Variants in BCAS4 observed in about 807,000 individuals in gnomAD.
BCAS4 encodes breast carcinoma amplified sequence 4.
A neutral mutation model predicts 15.7 loss-of-function variants in BCAS4; 9 were observed. That is an observed-to-expected ratio of 0.57 (90% CI 0.34 to 1.00). The LOEUF is 1.00. Among genes scored for constraint, BCAS4 ranks in the 50% least tolerant of loss-of-function variants. The pLI, the probability that BCAS4 is intolerant of heterozygous loss-of-function variation, is 0.02. For synonymous variants in BCAS4, 101 were observed against 99.5 expected, an observed-to-expected ratio of 1.02 and a Z score of -0.09; for missense variants, 225 against 239.1, an observed-to-expected ratio of 0.94 and a Z score of 0.39.
At chr20:50,814,266 G>C (rs764462926) in intron 1 of BCAS4, among the ~76,000 whole-genome samples, 18 of 152,276 alleles carry the variant, frequency 1.2e-4, no homozygotes, top group Non-Finnish European at 2.5e-4. Context: ...AGCAACAAAG[G>C]GGACACATTT....
At chr20:50,870,003 C>T (rs772055262) in intron 4 of BCAS4, among the ~76,000 whole-genome samples, 5 of 152,164 alleles carry the variant, frequency 3.3e-5, no homozygotes, top group Non-Finnish European at 5.9e-5. Flanking sequence ...CCTGCCTCAG[C>T]TTCCCGAAGT....
intron 2 of BCAS4, among the ~76,000 whole-genome samples, chr20:50,829,246 T>C (rs185855451): frequency 2.0e-5 from 3 of 151,742 alleles, no homozygotes; most frequent in Admixed American, 6.6e-5. Flanking sequence ...CAGAATTTTA[T>C]TTTTTTTCTT....
At chr20:50,843,533 T>TACCTGCCTGAGGCATGTGCTGTTC (rs371043405) in intron 4 of BCAS4, among the ~76,000 whole-genome samples, 20 of 152,312 alleles carry the variant, frequency 1.3e-4, no homozygotes, top group Non-Finnish European at 2.2e-4. Context: ...GGCCTCATTG[T>TACCTGCCTGAGGCATGTGCTGTTC]ACCTGCCTGA....
chr20:50,840,582 A>G, intron 3 of BCAS4: 1 of 1,555,192 alleles, frequency 6.4e-7, no homozygotes, highest in Non-Finnish European at 8.9e-7. Context: ...ATGCTTGTGG[A>G]ATGTACAGTG....
intron 3 of BCAS4, among the ~76,000 whole-genome samples, chr20:50,835,922 C>CTT (rs1180698817): frequency 6.8e-6 from 1 of 146,850 alleles, no homozygotes; most frequent in Non-Finnish European, 1.5e-5. Flanking sequence ...CTTTTCTTTT[C>CTT]TTTTTTTTTT....
chr20:50,837,791 C>T (rs763755195), intron 3 of BCAS4, among the ~76,000 whole-genome samples: 6 of 152,218 alleles, frequency 3.9e-5, no homozygotes, highest in Non-Finnish European at 5.9e-5. Flanking sequence ...CTCAGCTTCG[C>T]CTCACACTCT....
Position 50,851,366 on chromosome 20 carries a change from C to T in BCAS4, c.399+9466C>T, listed in dbSNP as rs1186596534. 1.3e-5 allele frequency among the ~76,000 whole-genome samples: 2 copies of T among 152,150 alleles called. No individual in the cohort carries two copies. The highest frequency in any genetic ancestry group is 2.9e-5 in the Non-Finnish European group (2 of 68,028). ...CCCCCACCTACCAGCCCCCTCCCCA[C>T]GGCTCCCAGGGACCTCCCGGGTTCG... On this transcript the variant is annotated intron_variant, in intron 4 of 4. Transcript: ENST00000371608. The surrounding 1 kb of genome is among the most constrained non-coding windows in gnomAD (Gnocchi z 4.3).
chr20:50,838,618 G>T (rs911961179), intron 3 of BCAS4, among the ~76,000 whole-genome samples: 10 of 152,178 alleles, frequency 6.6e-5, no homozygotes, highest in Admixed American at 1.3e-4. Context: ...GCTGAGGCGG[G>T]TGGGTCACCT....
intron 1 of BCAS4, among the ~76,000 whole-genome samples, chr20:50,803,351 A>G (rs1264733446): frequency 3.9e-5 from 6 of 152,218 alleles, no homozygotes; most frequent in Admixed American, 3.9e-4. Context: ...GAGAGGTGCA[A>G]GGGGCATGTG....
intron 3 of BCAS4, among the ~76,000 whole-genome samples, chr20:50,837,411 A>AC (rs2088422923): frequency 6.6e-6 from 1 of 152,064 alleles, no homozygotes; most frequent in Admixed American, 6.5e-5. Flanking sequence ...ACATGGCAAG[A>AC]CCCCTGTGTC....
intron 1 of BCAS4, among the ~76,000 whole-genome samples, chr20:50,808,134 G>A (rs937728501): frequency 1.3e-5 from 2 of 151,956 alleles, no homozygotes; most frequent in African/African-American, 2.4e-5. Flanking sequence ...GGATGGTCTC[G>A]ATCTCCTGAC....
chr20:50,795,837 A>G (rs2087849815), intron 1 of BCAS4, among the ~76,000 whole-genome samples: 1 of 152,224 alleles, frequency 6.6e-6, no homozygotes, highest in Admixed American at 6.5e-5. Context: ...CCCCAATTCT[A>G]GTTTTCTTAG....
Position 50,851,899 on chromosome 20 carries a change from G to A in BCAS4, c.399+9999G>A, listed in dbSNP as rs1032296196. On this transcript the variant is annotated intron_variant, in intron 4 of 4. Coordinates refer to ENST00000371608, the MANE Select transcript of BCAS4 (RefSeq NM_198799.4). The surrounding 1 kb of genome is among the most constrained non-coding windows in gnomAD (Gnocchi z 4.3). ...CCCAAACCCTCGTTCATTGCCTGGC[G>A]GGCACATGGCCTCATCTGCATTTTC... 3.9e-5 allele frequency among the ~76,000 whole-genome samples: 6 copies of A among 152,218 alleles called. No homozygotes were observed. Among genetic ancestry groups the A allele is most frequent in the Admixed American group, 1.3e-4 (2 of 15,280 alleles).
At chr20:50,805,036 A>G (rs2087973297) in intron 1 of BCAS4, among the ~76,000 whole-genome samples, 1 of 152,264 alleles carries the variant, frequency 6.6e-6, no homozygotes, top group South Asian at 2.1e-4. Context: ...GGACCTTGCT[A>G]TGCTAAGATT....
chr20:50,819,848 C>G (rs2088192186), intron 2 of BCAS4, among the ~76,000 whole-genome samples: 2 of 151,666 alleles, frequency 1.3e-5, no homozygotes, highest in African/African-American at 4.8e-5. Flanking sequence ...CCCTTCCTTC[C>G]TTCCTTTCTT....
At chr20:50,801,856 G>A (rs2087930841) in intron 1 of BCAS4, among the ~76,000 whole-genome samples, 1 of 152,138 alleles carries the variant, frequency 6.6e-6, no homozygotes, top group African/African-American at 2.4e-5. Flanking sequence ...GGACCGGAGG[G>A]CAAAGATCTG....
intron 3 of BCAS4, among the ~76,000 whole-genome samples, chr20:50,833,343 G>A (rs79815941): frequency 0.12 from 17,601 of 152,182 alleles, 1,084 homozygotes; most frequent in South Asian, 0.16. Flanking sequence ...GGAGGAAGCC[G>A]CCGAAGAGTC....
chr20:50,815,810 G>A (rs752011317), intron 1 of BCAS4, among the ~76,000 whole-genome samples: 1 of 152,162 alleles, frequency 6.6e-6, no homozygotes, highest in Non-Finnish European at 1.5e-5. Context: ...AGTGGGTGGT[G>A]AGGGAGCCTT....
intron 1 of BCAS4, among the ~76,000 whole-genome samples, chr20:50,801,242 C>T (rs779666478): frequency 1.3e-5 from 2 of 152,048 alleles, no homozygotes; most frequent in African/African-American, 4.8e-5. Flanking sequence ...GGATGGCCAA[C>T]ATGGTGAAAC....
Sources: gnomAD v4.1 joint callset for allele counts (sites outside exome capture counted in the v4.1 genomes callset) on GRCh38, gnomAD v4.1.1 for gene constraint, Gnocchi (gnomAD v3.1) non-coding constraint, MANE v1.5 for transcripts, NCBI Gene and HGNC (gene_info 2026-07-23, HGNC 2026-07-21) for gene names.